Variants in CDKN2B observed in about 807,000 individuals in gnomAD.
The protein encoded by CDKN2B is cyclin dependent kinase inhibitor 2B, also known as cyclin-dependent kinase 4 inhibitor B.
A neutral mutation model predicts 7.7 loss-of-function variants in CDKN2B; 8 were observed. The ratio of observed to expected loss-of-function variants is 1.04; its 90% confidence interval spans 0.61 to 1.87. CDKN2B has a LOEUF of 1.87. CDKN2B is among the 40% of genes most tolerant of loss of function. CDKN2B has a pLI of 0.00. For missense variants in CDKN2B, 244 were observed against 213.1 expected (o/e 1.15, Z -0.90); for synonymous variants, 93 against 95.8 (o/e 0.97, Z 0.17).
intron 1 of CDKN2B, among the ~76,000 whole-genome samples, chr9:22,008,508 A>G (rs932976985): frequency 6.6e-6 from 1 of 152,144 alleles, no homozygotes; most frequent in South Asian, 2.1e-4. Context: ...TTCCCTAAAT[A>G]AGCTTTCCTT....
At position 22,008,961 on chromosome 9, in the gene CDKN2B, C is replaced by T. The variant is rs1281831012; in HGVS notation, c.-8G>A. ...CTTGTTCTCCTCGCGCATTCCGCAG[C>T]CCCCAGACGCGCAGCGGCCCGGATA... On this transcript the variant is annotated 5_prime_UTR_variant, in exon 1 of 2. Transcript: ENST00000276925. 2.5e-6 allele frequency: 4 copies of T among 1,612,956 alleles called. No individual in the cohort carries two copies. Among genetic ancestry groups the T allele is most frequent in the East Asian group, 2.2e-5 (1 of 44,876 alleles).
At position 22,004,977 on chromosome 9, in the gene CDKN2B, C is replaced by T. The variant is rs1219017251; in HGVS notation, c.*1010G>A. On this transcript the variant is annotated 3_prime_UTR_variant, in exon 2 of 2. Transcript: ENST00000276925. ...ATTTAAGAGCTGTAGTTCTTCCTCACATTTTAACTGAGAGCCACTAGTTAT... is the reference window on the plus strand; with the variant it reads ...ATTTAAGAGCTGTAGTTCTTCCTCATATTTTAACTGAGAGCCACTAGTTAT... 4.3e-6 allele frequency: 1 copy of T among 233,210 alleles called. No homozygotes were observed. The highest frequency in any genetic ancestry group is 8.5e-6 in the Non-Finnish European group (1 of 118,076). 14.4% of individuals were successfully genotyped at this position (233,210 alleles called of 1,614,324 possible).
Position 22,008,875 on chromosome 9 carries a change from C to G in CDKN2B, c.79G>C (p.Val27Leu), listed in dbSNP as rs780316323. The stretch of plus-strand genomic sequence containing the variant: ...TCCAGGAGCTGTCGCACCTTCTCCA[C>G]TAGTCCCCGCGCCGCGGCGCTGGCC... ...GLASAAARGL[V>L]EKVRQLLEAG... Residue 27 changes from valine to leucine, a missense_variant, in exon 1 of 2, where the codon GTG becomes CTG. Coordinates refer to ENST00000276925, the MANE Select transcript of CDKN2B (RefSeq NM_004936.4). 5.0e-6 allele frequency: 8 copies of G among 1,612,294 alleles called. No individual in the cohort carries two copies. The African/African-American group carries it at 9.3e-5, about 19-fold the overall frequency.
intron 1 of CDKN2B, among the ~76,000 whole-genome samples, chr9:22,007,350 C>A (rs772422277): frequency 6.0e-5 from 7 of 116,590 alleles, no homozygotes; most frequent in Admixed American, 2.0e-4. Context: ...CAGAGTGAGG[C>A]CTCATCTCAA....
Position 22,009,195 on chromosome 9 carries a change from G to T in CDKN2B, c.-242C>A, listed in dbSNP as rs1243674612. Reference sequence around the variant, plus strand: ...AAGAACCAGCGGGCGCGCCTGGATTGCTTCTGGGAAAAAGCGCCTAGCGCG... The same window carrying T: ...AAGAACCAGCGGGCGCGCCTGGATTTCTTCTGGGAAAAAGCGCCTAGCGCG... On this transcript the variant is annotated 5_prime_UTR_variant, in exon 1 of 2. Transcript: ENST00000276925. 3.2e-6 allele frequency: 2 copies of T among 623,450 alleles called. No homozygotes were observed. Among genetic ancestry groups the T allele is most frequent in the African/African-American group, 1.9e-5 (1 of 53,934 alleles). 38.6% of individuals were successfully genotyped at this position (623,450 alleles called of 1,614,324 possible).
chr9:22,005,132 G>GTA lies in CDKN2B; in HGVS notation c.*854_*855insTA, dbSNP rs1451023418. ...CTAGCATGTGTGTGTGTGTGTGTGTGTGTGTGTGTGAAAGAAAACGTTACA... is the reference window on the plus strand; with the variant it reads ...CTAGCATGTGTGTGTGTGTGTGTGTGTATGTGTGTGTGAAAGAAAACGTTACA... On this transcript the variant is annotated 3_prime_UTR_variant, in exon 2 of 2. Transcript: ENST00000276925. The surrounding 1 kb of genome is among the most constrained non-coding windows in gnomAD (Gnocchi z 4.9). 6 of 233,166 alleles carry GTA rather than the reference G, an allele frequency of 2.6e-5. No homozygotes were observed. The highest frequency in any genetic ancestry group is 4.2e-5 in the Non-Finnish European group (5 of 118,172). 14.4% of individuals were successfully genotyped at this position (233,166 alleles called of 1,614,324 possible).
At position 22,006,035 on chromosome 9, in the gene CDKN2B, C is replaced by G. The variant is rs1373248776; in HGVS notation, c.369G>C (p.Arg123=). ...GGTACCCTGCAACGTCGCGGTGGCC[C>G]CGCTCCTCGGCCAAGTCCACGGGCA... ...GRLPVDLAEE[R]GHRDVAGYLR... is the part of the protein sequence containing the mutation. Residue 123 remains arginine, a synonymous_variant, in exon 2 of 2, where the codon CGG becomes CGC. Transcript: ENST00000276925. This position sits in a 1 kb window ranked among gnomAD's most constrained non-coding sequence, Gnocchi z 6.4. 1.9e-6 allele frequency: 3 copies of G among 1,604,258 alleles called. No homozygotes were observed. Among genetic ancestry groups the G allele is most frequent in the East Asian group, 4.5e-5 (2 of 44,850 alleles).
intron 1 of CDKN2B, 22 bp downstream of exon 1, chr9:22,008,776 G>T: frequency 6.2e-7 from 1 of 1,608,096 alleles, no homozygotes; most frequent in East Asian, 2.2e-5. Context: ...CCCTGCCGGC[G>T]AGGCCCTGGG....
rs1376814841 is a variant in CDKN2B, at chr9:22,003,841, C to T, written c.*2146G>A. 1 of 232,010 alleles carries T rather than the reference C, an allele frequency of 4.3e-6. No homozygotes were observed. Among genetic ancestry groups the T allele is most frequent in the Non-Finnish European group, 8.5e-6 (1 of 117,458 alleles). The allele number at this position is 232,010 out of a possible 1,614,324, so 14.4% of individuals were successfully genotyped here. A position where few individuals can be genotyped will look rare whatever the true frequency, so the allele number is the denominator to read the frequency against. Reference sequence around the variant, plus strand: ...CTAGAAGTTAGAGAAAGAAAAGCCACCTTAGGAGCTTACAAGGGAGATCAT... The same window carrying T: ...CTAGAAGTTAGAGAAAGAAAAGCCATCTTAGGAGCTTACAAGGGAGATCAT... On this transcript the variant is annotated 3_prime_UTR_variant, in exon 2 of 2. Coordinates refer to ENST00000276925, the MANE Select transcript of CDKN2B (RefSeq NM_004936.4).
Position 22,008,897 on chromosome 9 carries a change from G to A in CDKN2B, c.57C>T (p.Ala19=). The change falls in exon 1 of 2, where the codon GCC becomes GCT. Residue 19 remains alanine (A), a synonymous_variant. Coordinates refer to ENST00000276925, the MANE Select transcript of CDKN2B (RefSeq NM_004936.4). The part of the protein sequence containing the change: ...PSGGGSDEGL[A]SAAARGLVEK... ...CCACTAGTCCCCGCGCCGCGGCGCTGGCCAGACCCTCATCGCTGCCGCCCC... is the reference window on the plus strand; with the variant it reads ...CCACTAGTCCCCGCGCCGCGGCGCTAGCCAGACCCTCATCGCTGCCGCCCC... 6.2e-7 allele frequency: 1 copy of A among 1,612,850 alleles called. No homozygotes were observed. The highest frequency in any genetic ancestry group is 8.5e-7 in the Non-Finnish European group (1 of 1,179,864).
In CDKN2B at chr9:22,006,247, C is replaced by A. The variant is rs748720669; in HGVS notation, c.157G>T (p.Val53Phe). Residue 53 changes from valine (V) to phenylalanine (F), a missense_variant and splice_region_variant, in exon 2 of 2, where the codon GTC becomes TTC. Val to Phe is a conservative substitution (Grantham distance 50). Transcript: ENST00000276925. The surrounding 1 kb of genome is among the most constrained non-coding windows in gnomAD (Gnocchi z 6.4). ...ACGCGGGCGCTGCCCATCATCATGACCTGCCAGAGAGAGCAGAGTGGTCAG... is the reference window on the plus strand; with the variant it reads ...ACGCGGGCGCTGCCCATCATCATGAACTGCCAGAGAGAGCAGAGTGGTCAG... The part of the protein sequence containing the change: ...VNRFGRRAIQ[V>F]MMMGSARVAE... The A allele has an allele frequency of 6.2e-7, 1 of 1,604,614 alleles. No individual in the cohort carries two copies. The highest frequency in any genetic ancestry group is 2.2e-5 in the East Asian group (1 of 44,892).
chr9:22,005,771 G>T lies in CDKN2B; in HGVS notation c.*216C>A. On this transcript the variant is annotated 3_prime_UTR_variant, in exon 2 of 2. Transcript: ENST00000276925. This position sits in a 1 kb window ranked among gnomAD's most constrained non-coding sequence, Gnocchi z 4.9. Reference sequence around the variant, plus strand: ...CTGGAAATCCGCTTCTCTGTGTTTCGCTTCATGGTGAGTGTCGAGGGCCAG... The same window carrying T: ...CTGGAAATCCGCTTCTCTGTGTTTCTCTTCATGGTGAGTGTCGAGGGCCAG... 1 of 628,458 alleles carries T rather than the reference G, an allele frequency of 1.6e-6. No individual in the cohort carries two copies. The highest frequency in any genetic ancestry group is 2.8e-6 in the Non-Finnish European group (1 of 357,958). The allele number at this position is 628,458 out of a possible 1,614,324, so 38.9% of individuals were successfully genotyped here.
In CDKN2B at chr9:22,008,884, G is replaced by A. The variant is rs1681440237; in HGVS notation, c.70C>T (p.Arg24Trp). 1 of 1,612,408 alleles carries A rather than the reference G, an allele frequency of 6.2e-7. No individual in the cohort carries two copies. Among genetic ancestry groups the A allele is most frequent in the Non-Finnish European group, 8.5e-7 (1 of 1,179,690 alleles). ...SDEGLASAAA[R>W]GLVEKVRQLL... Reference sequence around the variant, plus strand: ...TGTCGCACCTTCTCCACTAGTCCCCGCGCCGCGGCGCTGGCCAGACCCTCA... The same window carrying A: ...TGTCGCACCTTCTCCACTAGTCCCCACGCCGCGGCGCTGGCCAGACCCTCA... The change falls in exon 1 of 2, where the codon CGG becomes TGG. Residue 24 changes from arginine (R) to tryptophan (W), a missense_variant. Physicochemically the swap from Arg to Trp is moderately radical, Grantham distance 101. Coordinates refer to ENST00000276925, the MANE Select transcript of CDKN2B (RefSeq NM_004936.4).
In CDKN2B at chr9:22,006,634, C is replaced by G. The variant is rs1251535372; in HGVS notation, c.157-387G>C. ...GCTTTTAAAGTTTTAAATTATTTGC[C>G]TTGCTGACCCCTCCTCCATAATCCA... On this transcript the variant is annotated intron_variant, in intron 1 of 1. Coordinates refer to ENST00000276925, the MANE Select transcript of CDKN2B (RefSeq NM_004936.4). The surrounding 1 kb of genome is among the most constrained non-coding windows in gnomAD (Gnocchi z 6.4). Among the ~76,000 whole-genome samples the G allele has an allele frequency of 6.6e-6, 1 of 152,128 alleles. No individual in the cohort carries two copies. Among genetic ancestry groups the G allele is most frequent in the Non-Finnish European group, 1.5e-5 (1 of 68,026 alleles).
intron 1 of CDKN2B, among the ~76,000 whole-genome samples, chr9:22,007,075 T>C (rs1357381537): frequency 6.6e-6 from 1 of 152,212 alleles, no homozygotes; most frequent in East Asian, 1.9e-4. Context: ...TAAAAAGAGC[T>C]TGGGCCAGGC....
rs1821360096 is a variant in CDKN2B, at chr9:22,009,160, C to T, written c.-207G>A. 6 of 684,684 alleles carry T rather than the reference C, an allele frequency of 8.8e-6. No homozygotes were observed. The highest frequency in any genetic ancestry group is 1.0e-5 in the Non-Finnish European group (4 of 401,496). 42.4% of individuals were successfully genotyped at this position (684,684 alleles called of 1,614,324 possible). A position where few individuals can be genotyped will look rare whatever the true frequency, so the allele number is the denominator to read the frequency against. ...GGCCGGTCGTTAGCTCCGGGCTTTT[C>T]CTGGCGCTCAAGAACCAGCGGGCGC... On this transcript the variant is annotated 5_prime_UTR_variant, in exon 1 of 2. Coordinates refer to ENST00000276925, the MANE Select transcript of CDKN2B (RefSeq NM_004936.4).
At position 22,009,207 on chromosome 9, in the gene CDKN2B, A is replaced by G. The variant is rs1361565932; in HGVS notation, c.-254T>C. 6.6e-6 allele frequency: 4 copies of G among 608,148 alleles called. No homozygotes were observed. The highest frequency in any genetic ancestry group is 3.0e-5 in the Admixed American group (1 of 32,920). The allele number at this position is 608,148 out of a possible 1,614,324, so 37.7% of individuals were successfully genotyped here. ...GCGCGCCTGGATTGCTTCTGGGAAA[A>G]AGCGCCTAGCGCGGACGCAGCCGAG... On this transcript the variant is annotated 5_prime_UTR_variant, in exon 1 of 2. Transcript: ENST00000276925.
intron 1 of CDKN2B, among the ~76,000 whole-genome samples, chr9:22,007,854 A>G (rs928838454): frequency 2.6e-5 from 4 of 152,154 alleles, no homozygotes; most frequent in Non-Finnish European, 4.4e-5. Flanking sequence ...TTGCTCCTTT[A>G]AAAATCCCTC....
At chr9:22,008,599 T>G in intron 1 of CDKN2B, 199 bp downstream of exon 1, 1 of 1,499,304 alleles carries the variant, frequency 6.7e-7, no homozygotes, top group Non-Finnish European at 9.0e-7. Flanking sequence ...AAAAAAAGCT[T>G]AAACAGTGGG....
Sources: allele counts gnomAD v4.1 joint callset (sites outside exome capture counted in the v4.1 genomes callset), GRCh38; gene constraint gnomAD v4.1.1; non-coding constraint Gnocchi (gnomAD v3.1); transcripts MANE v1.5; gene names NCBI Gene and HGNC (gene_info 2026-07-23, HGNC 2026-07-21).